RNPC3: variants seen among roughly 807,000 people sequenced by gnomAD.
The protein encoded by RNPC3 is RNA binding region (RNP1, RRM) containing 3, also known as RNA-binding region-containing protein 3.
In RNPC3, 48 loss-of-function variants were observed where a neutral mutation model predicts 67.5. The observed-to-expected ratio is 0.71, with a 90% CI of 0.56 to 0.90. RNPC3 has a LOEUF of 0.90. Ranked by LOEUF, RNPC3 falls within the 40% of genes least tolerant of loss-of-function variation. The pLI is 0.00. For missense variants in RNPC3, 637 were observed against 626.1 expected (o/e 1.02, Z -0.19); for synonymous variants, 239 against 210.3 (o/e 1.14, Z -1.18).
intron 10 of RNPC3, chr1:103,545,347 T>C (rs959592623): frequency 2.9e-5 from 9 of 305,358 alleles, no homozygotes; most frequent in Non-Finnish European, 5.4e-5. Flanking sequence ...TTTTCATTCC[T>C]AAAACTTTCA....
At chr1:103,550,880 A>G (rs1651371066) in intron 12 of RNPC3, 61 bp from the exon 13 acceptor site, 10 of 1,524,716 alleles carry the variant, frequency 6.6e-6, no homozygotes, top group Non-Finnish European at 7.2e-6. Flanking sequence ...AGATTATTCA[A>G]CACATTTTCA....
At chr1:103,545,178 C>A in intron 10 of RNPC3, 76 bp downstream of exon 10, 1 of 1,198,256 alleles carries the variant, frequency 8.3e-7, no homozygotes, top group Non-Finnish European at 1.1e-6. Flanking sequence ...ACAAATCTGT[C>A]ATGCCATTTA....
intron 14 of RNPC3, chr1:103,554,655 G>A (rs948293350): frequency 8.5e-5 from 13 of 152,456 alleles, no homozygotes; most frequent in African/African-American, 1.4e-4. Context: ...AAAATGATTA[G>A]GTACCTAGTA....
chr1:103,551,501 T>A (rs1249099724), intron 13 of RNPC3, among the ~76,000 whole-genome samples: 1 of 152,052 alleles, frequency 6.6e-6, no homozygotes, highest in African/African-American at 2.4e-5. Flanking sequence ...AAACTAGAAA[T>A]CAGCAAGATA....
intron 6 of RNPC3, among the ~76,000 whole-genome samples, chr1:103,536,645 GTAC>G (rs1425628654): frequency 6.6e-6 from 1 of 152,072 alleles, no homozygotes; most frequent in Non-Finnish European, 1.5e-5. Flanking sequence ...TTTTGCTGTA[GTAC>G]TAGTATATTT....
chr1:103,546,375 G>A lies in RNPC3; in HGVS notation c.1302+33G>A, dbSNP rs535396789. 6 of 1,119,566 alleles carry A rather than the reference G, an allele frequency of 5.4e-6. No individual in the cohort carries two copies. The Middle Eastern group carries it at 5.9e-4, about 111-fold the overall frequency. 69.4% of individuals were successfully genotyped at this position (1,119,566 alleles called of 1,614,324 possible). On this transcript the variant is annotated intron_variant, in intron 11 of 14. Transcript: ENST00000423855. ...TAAATTGATTTTTTTTCATGTAAAT[G>A]AAAATAATTTGAAGGTTTTATAGTT...
Position 103,544,872 on chromosome 1 carries a change from A to C in RNPC3, c.1046-69A>C, listed in dbSNP as rs1224465220. 5 of 895,806 alleles carry C rather than the reference A, an allele frequency of 5.6e-6. No homozygotes were observed. In the East Asian group the frequency reaches 1.4e-4, roughly 25 times the overall value. The allele number at this position is 895,806 out of a possible 1,614,324, so 55.5% of individuals were successfully genotyped here. A position where few individuals can be genotyped will look rare whatever the true frequency, so the allele number is the denominator to read the frequency against. On this transcript the variant is annotated intron_variant, in intron 9 of 14. Coordinates refer to ENST00000423855, the MANE Select transcript of RNPC3 (RefSeq NM_017619.4). The stretch of plus-strand genomic sequence containing the variant: ...GATATATTATTGAATATAAAATAGG[A>C]GGTGGGGACCCAAAAACTATTTTTA...
intron 7 of RNPC3, among the ~76,000 whole-genome samples, chr1:103,539,003 G>A (rs1440200422): frequency 6.6e-6 from 1 of 152,124 alleles, no homozygotes; most frequent in Non-Finnish European, 1.5e-5. Context: ...CTCTGTTGTG[G>A]CTACTCAGTT....
chr1:103,534,943 A>C (rs566603010), intron 4 of RNPC3, 86 bp downstream of exon 4: 1 of 698,678 alleles, frequency 1.4e-6, no homozygotes, highest in Non-Finnish European at 2.3e-6. Context: ...TGCTTATTAT[A>C]TATTGTAATA....
intron 14 of RNPC3, chr1:103,553,352 G>C (rs984211731): frequency 6.6e-6 from 1 of 152,082 alleles, no homozygotes; most frequent in Non-Finnish European, 1.5e-5. Context: ...TTGGGGCAGT[G>C]TTTTTTTGTT....
At chr1:103,549,787 T>A (rs576205527) in intron 12 of RNPC3, among the ~76,000 whole-genome samples, 11 of 152,218 alleles carry the variant, frequency 7.2e-5, no homozygotes, top group Non-Finnish European at 1.3e-4. Context: ...TCTCTGGACA[T>A]CACCTGTAAA....
Position 103,527,749 on chromosome 1 carries a change from CTT to C in RNPC3, c.240+11_240+12del. ...TGAAAAAGCAGCTATAAAGGTATGA[CTT>C]TTTCTTGACGATTAAAGTTGTCAAC... On this transcript the variant is annotated splice_region_variant and intron_variant, in intron 2 of 14. Coordinates refer to ENST00000423855, the MANE Select transcript of RNPC3 (RefSeq NM_017619.4). The C allele has an allele frequency of 6.5e-7, 1 of 1,539,918 alleles. No homozygotes were observed. Among genetic ancestry groups the C allele is most frequent in the Non-Finnish European group, 8.8e-7 (1 of 1,137,478 alleles).
chr1:103,539,927 G>T (rs1029781555), intron 7 of RNPC3, among the ~76,000 whole-genome samples: 5 of 152,098 alleles, frequency 3.3e-5, no homozygotes, highest in African/African-American at 4.8e-5. Flanking sequence ...CAGTGGTACA[G>T]TCATGGCTTA....
At chr1:103,534,369 T>C (rs990126367) in intron 3 of RNPC3, among the ~76,000 whole-genome samples, 1 of 151,926 alleles carries the variant, frequency 6.6e-6, no homozygotes, top group Non-Finnish European at 1.5e-5. Context: ...ATGGAAGGGA[T>C]GGGAAAATGT....
chr1:103,537,615 C>G, intron 7 of RNPC3, 131 bp downstream of exon 7: 1 of 652,290 alleles, frequency 1.5e-6, no homozygotes, highest in Non-Finnish European at 2.5e-6. Context: ...CTCAGCCCCC[C>G]AGCACCTCAG....
Position 103,525,941 on chromosome 1 carries a change from T to G in RNPC3, c.-130T>G. ...AGTTCTCGCGAGAAGGTGACTTTCT[T>G]TCTCGGTATTTCCTGGTTTCCAGAA... On this transcript the variant is annotated 5_prime_UTR_variant, in exon 1 of 15. Coordinates refer to ENST00000423855, the MANE Select transcript of RNPC3 (RefSeq NM_017619.4). 4.1e-6 allele frequency: 3 copies of G among 739,478 alleles called. No individual in the cohort carries two copies. Among genetic ancestry groups the G allele is most frequent in the South Asian group, 2.0e-5 (1 of 51,048 alleles). The allele number at this position is 739,478 out of a possible 1,614,324, so 45.8% of individuals were successfully genotyped here. A position where few individuals can be genotyped will look rare whatever the true frequency, so the allele number is the denominator to read the frequency against.
intron 4 of RNPC3, 58 bp from the exon 5 acceptor site, chr1:103,535,272 G>C: frequency 9.1e-7 from 1 of 1,094,504 alleles, no homozygotes; most frequent in Non-Finnish European, 1.3e-6. Context: ...TACCTAAAAT[G>C]AGTTACTGAT....
At chr1:103,552,785 G>A (rs1272780448) in intron 14 of RNPC3, 1 of 151,836 alleles carries the variant, frequency 6.6e-6, no homozygotes, top group Non-Finnish European at 1.5e-5. Context: ...AAAATCTACA[G>A]TGCTGAGTAT....
chr1:103,535,809 A>T (rs891143912), intron 5 of RNPC3, among the ~76,000 whole-genome samples: 1 of 152,028 alleles, frequency 6.6e-6, no homozygotes, highest in Non-Finnish European at 1.5e-5. Flanking sequence ...TTTATTTTTT[A>T]ATGTATTTCT....
Sources: gnomAD v4.1 joint callset for allele counts (sites outside exome capture counted in the v4.1 genomes callset) on GRCh38, gnomAD v4.1.1 for gene constraint, MANE v1.5 for transcripts, NCBI Gene and HGNC (gene_info 2026-07-23, HGNC 2026-07-21) for gene names.